Variants in BRWD1 observed in about 807,000 individuals in gnomAD.
The protein encoded by BRWD1 is bromodomain and WD repeat-containing protein 1.
A neutral mutation model predicts 251.2 loss-of-function variants in BRWD1; 82 were observed. The observed-to-expected ratio is 0.33, with a 90% confidence interval of 0.27 to 0.39. The LOEUF is 0.39. BRWD1 is among the 10% of genes least tolerant of loss of function. The pLI is 1.00. For synonymous variants in BRWD1, 918 were observed against 902.8 expected, an observed-to-expected ratio of 1.02 and a Z score of -0.30; for missense variants, 2,233 against 2,711.6, an observed-to-expected ratio of 0.82 and a Z score of 3.92.
In BRWD1 at chr21:39,210,893, A is replaced by C. The variant is rs1174840159; in HGVS notation, c.3937T>G (p.Tyr1313Asp). The change falls in exon 35 of 41, where the codon TAT becomes GAT. Residue 1313 changes from tyrosine to aspartate, a missense_variant. Around this residue, in one of 12 missense-constraint regions of BRWD1, gnomAD observed 167 missense variants for 183.2 expected, o/e 0.91. Coordinates refer to ENST00000342449, the MANE Select transcript of BRWD1 (RefSeq NM_033656.4). ...DGKKSIRATN[Y>D]VESNWKKQCK... ...TGTTTCTTCCAGTTGCTTTCAACATAGTTCGTAGCTCTGATGCTTTTTTTC... is the reference window on the plus strand; with the variant it reads ...TGTTTCTTCCAGTTGCTTTCAACATCGTTCGTAGCTCTGATGCTTTTTTTC... The C allele has an allele frequency of 1.2e-6, 2 of 1,611,798 alleles. No homozygotes were observed. The highest frequency in any genetic ancestry group is 3.4e-5 in the Admixed American group (2 of 59,288).
chr21:39,287,411 C>G (rs554856054), intron 8 of BRWD1, among the ~76,000 whole-genome samples: 18 of 152,280 alleles, frequency 1.2e-4, no homozygotes, highest in Admixed American at 6.5e-4. Context: ...TAGCGCCAAA[C>G]ATTTTTTACC....
intron 25 of BRWD1, among the ~76,000 whole-genome samples, chr21:39,231,028 A>AAC (rs1238633572): frequency 6.6e-6 from 1 of 152,192 alleles, no homozygotes; most frequent in Admixed American, 6.5e-5. Flanking sequence ...TCCTAAGTTA[A>AAC]ACAGACATAA....
intron 39 of BRWD1, 151 bp downstream of exon 39, chr21:39,200,068 A>T: frequency 1.2e-6 from 1 of 815,616 alleles, no homozygotes; most frequent in Non-Finnish European, 1.8e-6. Context: ...TTCACTTTTT[A>T]ATGCCAAAAT....
intron 15 of BRWD1, 89 bp from the exon 16 acceptor site, chr21:39,265,108 A>C (rs2034878124): frequency 1.5e-6 from 2 of 1,342,516 alleles, no homozygotes; most frequent in Non-Finnish European, 2.0e-6. Context: ...ACCTGTGACA[A>C]TATATCCCTT....
intron 35 of BRWD1, 87 bp from the exon 36 acceptor site, chr21:39,210,234 T>C: frequency 1.7e-6 from 2 of 1,158,794 alleles, no homozygotes; most frequent in East Asian, 2.4e-5. Context: ...AAATGTGAAA[T>C]GATGGAAGAG....
At chr21:39,206,798 A>G (rs1568865906) in intron 36 of BRWD1, among the ~76,000 whole-genome samples, 1 of 152,244 alleles carries the variant, frequency 6.6e-6, no homozygotes, top group Non-Finnish European at 1.5e-5. Flanking sequence ...ACGTTAATGC[A>G]TATGAAAGAT....
rs544817164 is a variant in BRWD1 at position 39,187,850 on chromosome 21, A to C, written c.*8409T>G. ...TGCTTTAAGGAACCAAAAAGTGCAG[A>C]GTGCTATGAGAACACAGACTGGAAA... On this transcript the variant is annotated 3_prime_UTR_variant, in exon 41 of 41. Transcript: ENST00000342449. 1.6e-5 allele frequency: 16 copies of C among 984,936 alleles called. No individual in the cohort carries two copies. The East Asian group carries it at 5.7e-4, about 35-fold the overall frequency. 61.0% of individuals were successfully genotyped at this position (984,936 alleles called of 1,614,324 possible).
In BRWD1 at chr21:39,296,301, C is replaced by T; in HGVS notation, c.412G>A (p.Glu138Lys). Residue 138 changes from glutamate (E) to lysine (K), a missense_variant, in exon 6 of 41, where the codon GAA becomes AAA. By Grantham distance (56) the Glu-to-Lys change is moderately conservative (BLOSUM62 1). Around this residue, in one of 12 missense-constraint regions of BRWD1, gnomAD observed 185 missense variants for 260.6 expected, o/e 0.71. Transcript: ENST00000342449. Reference protein sequence around the residue: ...FAALHRGRPPEMPVNYGSPPN... With the variant: ...FAALHRGRPPKMPVNYGSPPN... Reference sequence around the variant, plus strand: ...GGGGAACCATAATTCACTGGCATTTCAGGAGGTCTTCCTCTATGAAGAGCA... The same window carrying T: ...GGGGAACCATAATTCACTGGCATTTTAGGAGGTCTTCCTCTATGAAGAGCA... The T allele has an allele frequency of 6.2e-7, 1 of 1,602,102 alleles. No individual in the cohort carries two copies. Among genetic ancestry groups the T allele is most frequent in the Non-Finnish European group, 8.5e-7 (1 of 1,175,402 alleles).
In BRWD1 at chr21:39,197,347, C is replaced by T. The variant is rs1474569969; in HGVS notation, c.5722G>A (p.Asp1908Asn). Reference sequence around the variant, plus strand: ...TTCTTAACCACCTGTAAACTACTGTCTGAGTCACTGGAACAGACCCTTTTC... The same window carrying T: ...TTCTTAACCACCTGTAAACTACTGTTTGAGTCACTGGAACAGACCCTTTTC... ...SRKRVCSSDSDSSLQVVKKSS... is the reference protein window; with the variant it reads ...SRKRVCSSDSNSSLQVVKKSS... The change falls in exon 41 of 41, where the codon GAC becomes AAC. Residue 1908 changes from aspartate (D) to asparagine (N), a missense_variant. By Grantham distance (23) the Asp-to-Asn change is conservative. Coordinates refer to ENST00000342449, the MANE Select transcript of BRWD1 (RefSeq NM_033656.4). The T allele has an allele frequency of 1.2e-6, 2 of 1,613,734 alleles. No homozygotes were observed. Among genetic ancestry groups the T allele is most frequent in the East Asian group, 2.2e-5 (1 of 44,896 alleles).
At chr21:39,245,134 C>G (rs542462095) in intron 21 of BRWD1, among the ~76,000 whole-genome samples, 84 of 151,728 alleles carry the variant, frequency 5.5e-4, no homozygotes, top group African/African-American at 2.0e-3. Context: ...ATCCCAGCTA[C>G]TTGGGAGGCT....
chr21:39,295,114 C>T (rs7282624), intron 7 of BRWD1, among the ~76,000 whole-genome samples: 46,112 of 145,896 alleles, frequency 0.32, 7,521 homozygotes, highest in Middle Eastern at 0.39. Flanking sequence ...TATTTAATTA[C>T]AATGTAATCT....
intron 8 of BRWD1, among the ~76,000 whole-genome samples, chr21:39,286,431 AC>A (rs900733229): frequency 1.3e-5 from 2 of 152,124 alleles, no homozygotes; most frequent in Admixed American, 1.3e-4. Context: ...ATAAACTGCA[AC>A]CTGTCAAGGC....
At chr21:39,292,126 T>G (rs546646024) in intron 8 of BRWD1, among the ~76,000 whole-genome samples, 4,933 of 9,028 alleles carry the variant, frequency 0.55, 827 homozygotes, top group Non-Finnish European at 0.6. Flanking sequence ...GGGGGGTGGG[T>G]GGGGGTGGGG....
chr21:39,225,093 T>C lies in BRWD1; in HGVS notation c.3313A>G (p.Ile1105Val), dbSNP rs1440259977. ...QYPDSHFQCYIVRWDNTEIEK... is the reference protein window; with the variant it reads ...QYPDSHFQCYVVRWDNTEIEK... ...TTTCATCTGTATACAAACCTAACAATATAACACTGGAAATGACTATCAGGA... is the reference window on the plus strand; with the variant it reads ...TTTCATCTGTATACAAACCTAACAACATAACACTGGAAATGACTATCAGGA... The change falls in exon 28 of 41, where the codon ATT (isoleucine) becomes GTT (valine). Residue 1105 changes from isoleucine (I) to valine (V), a missense_variant. Transcript: ENST00000342449. 6.3e-7 allele frequency: 1 copy of C among 1,595,306 alleles called. No individual in the cohort carries two copies. The highest frequency in any genetic ancestry group is 1.3e-5 in the African/African-American group (1 of 74,484).
upstream of BRWD1, chr21:39,313,866 T>G (rs1248696474): frequency 4.2e-5 from 14 of 334,466 alleles, no homozygotes; most frequent in Non-Finnish European, 7.9e-5. Flanking sequence ...GTGGTCCGAA[T>G]CCCTGCGCGC....
At chr21:39,272,334 GGC>G (rs1266900746) in intron 13 of BRWD1, among the ~76,000 whole-genome samples, 1 of 148,930 alleles carries the variant, frequency 6.7e-6, no homozygotes, top group Non-Finnish European at 1.5e-5. Context: ...AGACCATCCT[GGC>G]TAACATGGTG....
intron 8 of BRWD1, among the ~76,000 whole-genome samples, chr21:39,285,027 G>A (rs1352966398): frequency 6.6e-6 from 1 of 152,116 alleles, no homozygotes; most frequent in Non-Finnish European, 1.5e-5. Flanking sequence ...GCACTCCCAT[G>A]TTTACTGCAG....
At chr21:39,299,030 C>A (rs924866661) in intron 4 of BRWD1, among the ~76,000 whole-genome samples, 14 of 152,086 alleles carry the variant, frequency 9.2e-5, no homozygotes, top group African/African-American at 3.4e-4. Context: ...TCGAGACCAG[C>A]CTGACCAACA....
Position 39,193,593 on chromosome 21 carries a change from ACAAC to A in BRWD1, c.*2662_*2665del. On this transcript the variant is annotated 3_prime_UTR_variant, in exon 41 of 41. Coordinates refer to ENST00000342449, the MANE Select transcript of BRWD1 (RefSeq NM_033656.4). ...TAAAACCATAGGACTTTGGACATAC[ACAAC>A]CAAAGTAGTTTTTGTTTTTCACATA... 1.0e-6 allele frequency: 1 copy of A among 985,588 alleles called. No individual in the cohort carries two copies. The highest frequency in any genetic ancestry group is 4.7e-5 in the South Asian group (1 of 21,282). 61.1% of individuals were successfully genotyped at this position (985,588 alleles called of 1,614,324 possible). A position where few individuals can be genotyped will look rare whatever the true frequency, so the allele number is the denominator to read the frequency against.
Sources: gnomAD v4.1 joint callset for allele counts (sites outside exome capture counted in the v4.1 genomes callset) on GRCh38, gnomAD v4.1.1 for gene constraint, gnomAD v4.1.1 regional missense constraint, MANE v1.5 for transcripts, NCBI Gene and HGNC (gene_info 2026-07-23, HGNC 2026-07-21) for gene names.